PDGFRB: variants seen among roughly 807,000 people sequenced by gnomAD.
PDGFRB encodes platelet-derived growth factor receptor beta.
Under a neutral mutation model 120.2 loss-of-function variants are expected in PDGFRB, and 42 were observed. That is an observed-to-expected ratio of 0.35 (90% CI 0.27 to 0.45). The LOEUF is 0.45. Ranked by LOEUF, PDGFRB falls within the 20% of genes least tolerant of loss-of-function variation. PDGFRB has a pLI of 1.00. For missense variants in PDGFRB, 1,149 were observed against 1,476.3 expected (o/e 0.78, Z 3.63); for synonymous variants, 586 against 606.8 (o/e 0.97, Z 0.50).
chr5:150,124,236 A>G lies in PDGFRB; in HGVS notation c.2023+14T>C. ...GCACTTTCCCTGAGGCCTCTGGGGC[A>G]GTGGGCTCGGTACCTCCTTTGGTGC... On this transcript the variant is annotated intron_variant, in intron 14 of 22. Transcript: ENST00000261799. 6.3e-7 allele frequency: 1 copy of G among 1,575,480 alleles called. No homozygotes were observed. The highest frequency in any genetic ancestry group is 8.7e-7 in the Non-Finnish European group (1 of 1,147,882).
At chr5:150,139,535 G>T (rs1760724767) in intron 1 of PDGFRB, among the ~76,000 whole-genome samples, 1 of 152,098 alleles carries the variant, frequency 6.6e-6, no homozygotes, top group Non-Finnish European at 1.5e-5. Context: ...GCAGGAGGGG[G>T]CTACATTCCT....
chr5:150,122,617 T>G (rs907111476), intron 15 of PDGFRB, among the ~76,000 whole-genome samples: 4 of 152,250 alleles, frequency 2.6e-5, no homozygotes, highest in African/African-American at 9.6e-5. Context: ...AACTAAGAAG[T>G]GTTCTTTTTG....
At chr5:150,143,984 T>C (rs1219368242) in intron 1 of PDGFRB, among the ~76,000 whole-genome samples, 1 of 152,060 alleles carries the variant, frequency 6.6e-6, no homozygotes, top group Non-Finnish European at 1.5e-5. Flanking sequence ...GTCCTCTTTA[T>C]GTTTCTCCAG....
At position 150,120,616 on chromosome 5, in the gene PDGFRB, A is replaced by G. The variant is rs1760100205; in HGVS notation, c.2586+272T>C. On this transcript the variant is annotated intron_variant, in intron 18 of 22. Transcript: ENST00000261799. The surrounding 1 kb of genome is among the most constrained non-coding windows in gnomAD (Gnocchi z 4.3). ...TCCTCTGCCCACCACCACTGGAACAACACATTCGGCCTGTTCCCCCTTCCC... is the reference window on the plus strand; with the variant it reads ...TCCTCTGCCCACCACCACTGGAACAGCACATTCGGCCTGTTCCCCCTTCCC... 1.3e-5 allele frequency among the ~76,000 whole-genome samples: 2 copies of G among 152,060 alleles called. No homozygotes were observed.
At chr5:150,124,482 G>A in intron 13 of PDGFRB, 122 bp from the exon 14 acceptor site, 2 of 727,518 alleles carry the variant, frequency 2.7e-6, no homozygotes, top group Non-Finnish European at 4.7e-6. Context: ...CAGCCTGGCG[G>A]GGGTGAGCAC....
At chr5:150,130,082 C>T (rs1760419077) in intron 9 of PDGFRB, 114 bp from the exon 10 acceptor site, 4 of 836,798 alleles carry the variant, frequency 4.8e-6, no homozygotes, top group Non-Finnish European at 3.9e-6. Flanking sequence ...GTCCCACTGC[C>T]TGTTTCCGAG....
At chr5:150,153,835 C>T (rs1761147758) in intron 1 of PDGFRB, 1 of 152,072 alleles carries the variant, frequency 6.6e-6, no homozygotes, top group African/African-American at 2.4e-5. Context: ...TGGAAGGGCA[C>T]CTGTGAGAAG....
Position 150,121,514 on chromosome 5 carries a change from C to G in PDGFRB, c.2345-192G>C, listed in dbSNP as rs1442015431. On this transcript the variant is annotated intron_variant, in intron 16 of 22. Coordinates refer to ENST00000261799, the MANE Select transcript of PDGFRB (RefSeq NM_002609.4). This position sits in a 1 kb window ranked among gnomAD's most constrained non-coding sequence, Gnocchi z 4.1. ...CTGCTTTATCAGTGCCCTCATTGGC[C>G]TTTTGGCATTAGCCCTTGGGCCACT... Among the ~76,000 whole-genome samples, 1 of 152,242 alleles carries G rather than the reference C, an allele frequency of 6.6e-6. No homozygotes were observed. The highest frequency in any genetic ancestry group is 1.5e-5 in the Non-Finnish European group (1 of 68,040).
rs547457837 is a variant in PDGFRB, at chr5:150,132,383, C to T, written c.1128-289G>A. On this transcript the variant is annotated intron_variant, in intron 7 of 22. Coordinates refer to ENST00000261799, the MANE Select transcript of PDGFRB (RefSeq NM_002609.4). This position sits in a 1 kb window ranked among gnomAD's most constrained non-coding sequence, Gnocchi z 5.0. The stretch of plus-strand genomic sequence containing the variant: ...AAGGTGGACACTGCTCCATCCTAAC[C>T]TACCACAGTCTCTGTCAGCCAGCAA... 3.7e-4 allele frequency among the ~76,000 whole-genome samples: 56 copies of T among 152,310 alleles called. No individual in the cohort carries two copies. The highest frequency in any genetic ancestry group is 4.6e-4 in the Admixed American group (7 of 15,310).
chr5:150,148,439 T>C (rs1760983780), intron 1 of PDGFRB, among the ~76,000 whole-genome samples: 1 of 152,194 alleles, frequency 6.6e-6, no homozygotes, highest in South Asian at 2.1e-4. Context: ...CTGGCATGGA[T>C]AGGCAATGGT....
rs35505256 is a variant in PDGFRB, at chr5:150,155,297, CTTTTT to C, written c.-7+95_-7+99del. 3.5e-3 allele frequency: 421 copies of C among 119,896 alleles called. 2 individuals carry two copies. The highest frequency in any genetic ancestry group is 5.2e-3 in the Non-Finnish European group (331 of 64,184). 7.4% of individuals were successfully genotyped at this position (119,896 alleles called of 1,614,324 possible). On this transcript the variant is annotated intron_variant, in intron 1 of 22. Coordinates refer to ENST00000261799, the MANE Select transcript of PDGFRB (RefSeq NM_002609.4). Reference sequence around the variant, plus strand: ...TCTTGTTTTGTTAAAAATATCTTCCCTTTTTTTTTTTTTTTTTTTTTTTACCTACT... The same window carrying C: ...TCTTGTTTTGTTAAAAATATCTTCCCTTTTTTTTTTTTTTTTTTACCTACT...
chr5:150,122,300 C>A, intron 15 of PDGFRB: 1 of 458,360 alleles, frequency 2.2e-6, no homozygotes, highest in East Asian at 3.8e-5. Context: ...GCAAAGGTCA[C>A]AAGACGGGTG....
chr5:150,123,013 G>T, intron 15 of PDGFRB, 29 bp downstream of exon 15: 2 of 1,602,738 alleles, frequency 1.2e-6, no homozygotes. Flanking sequence ...GTATCCCAAA[G>T]ATTCAGTCCC....
At chr5:150,125,637 A>G in intron 11 of PDGFRB, 60 bp from the exon 12 acceptor site, 2 of 1,577,264 alleles carry the variant, frequency 1.3e-6, no homozygotes, top group South Asian at 1.1e-5. Flanking sequence ...GAGCCCCATT[A>G]GGTTCGTCCG....
intron 1 of PDGFRB, among the ~76,000 whole-genome samples, chr5:150,145,191 T>A (rs1202425269): frequency 6.6e-6 from 1 of 152,248 alleles, no homozygotes; most frequent in Non-Finnish European, 1.5e-5. Flanking sequence ...CCACTTAATA[T>A]AAACTGAATG....
rs1465893615 is a variant in PDGFRB, at chr5:150,123,129, G to A, written c.2096C>T (p.Thr699Ile). 2 of 1,613,974 alleles carry A rather than the reference G, an allele frequency of 1.2e-6. No individual in the cohort carries two copies. Among genetic ancestry groups the A allele is most frequent in the Non-Finnish European group, 8.5e-7 (1 of 1,179,898 alleles). ...CTTGTCGGAGTGGTGCTGCAGGAAG[G>A]TGTGTTTGTTGCGGTGCAGGTAGTC... ...LVDYLHRNKH[T>I]FLQHHSDKRR... The change falls in exon 15 of 23, where the codon ACC becomes ATC. Residue 699 changes from threonine to isoleucine, a missense_variant. Around this residue, in one of 3 missense-constraint regions of PDGFRB, gnomAD observed 879 missense variants for 1,108.6 expected, o/e 0.79. Coordinates refer to ENST00000261799, the MANE Select transcript of PDGFRB (RefSeq NM_002609.4).
chr5:150,130,341 T>C (rs920400313), intron 9 of PDGFRB, among the ~76,000 whole-genome samples, 198 bp downstream of exon 9: 1 of 152,094 alleles, frequency 6.6e-6, no homozygotes, highest in Non-Finnish European at 1.5e-5. Flanking sequence ...TAGGCCAAAC[T>C]GCCCAGGGGT....
In PDGFRB at chr5:150,115,608, G is replaced by A. The variant is rs1489755899; in HGVS notation, c.*155C>T. ...TCTTGCCTCCTAAGCCAGCCCCAGG[G>A]TTTGGGGCACAACACGTCAGGAGCA... On this transcript the variant is annotated 3_prime_UTR_variant, in exon 23 of 23. Coordinates refer to ENST00000261799, the MANE Select transcript of PDGFRB (RefSeq NM_002609.4). The A allele has an allele frequency of 3.1e-6, 2 of 654,846 alleles. No homozygotes were observed. The highest frequency in any genetic ancestry group is 1.9e-5 in the African/African-American group (1 of 52,986). 40.6% of individuals were successfully genotyped at this position (654,846 alleles called of 1,614,324 possible).
chr5:150,146,502 G>C (rs772465067), intron 1 of PDGFRB, among the ~76,000 whole-genome samples: 1 of 152,128 alleles, frequency 6.6e-6, no homozygotes, highest in Non-Finnish European at 1.5e-5. Context: ...AGATGCAAAG[G>C]AACGGGAATG....
Sources: allele counts gnomAD v4.1 joint callset (sites outside exome capture counted in the v4.1 genomes callset), GRCh38; gene constraint gnomAD v4.1.1; regional missense constraint gnomAD v4.1.1; non-coding constraint Gnocchi (gnomAD v3.1); transcripts MANE v1.5; gene names NCBI Gene and HGNC (gene_info 2026-07-23, HGNC 2026-07-21).